SRGAP2C: variants seen among roughly 807,000 people sequenced by gnomAD.
The protein encoded by SRGAP2C is SLIT-ROBO Rho GTPase activating protein 2C.
Under a neutral mutation model 25.1 loss-of-function variants are expected in SRGAP2C, and 15 were observed. That is an observed-to-expected ratio of 0.60 (90% CI 0.40 to 0.92). The LOEUF is 0.92. Ranked by LOEUF, SRGAP2C falls within the 40% of genes least tolerant of loss-of-function variation. The pLI is 0.00. For synonymous variants in SRGAP2C, 44 were observed against 96.6 expected (o/e 0.46, Z 3.19); for missense variants, 144 against 264.4 (o/e 0.54, Z 3.16).
intron 4 of SRGAP2C, among the ~76,000 whole-genome samples, chr1:121,328,456 C>T (rs1553341842): frequency 1.3e-5 from 2 of 151,978 alleles, no homozygotes; most frequent in African/African-American, 2.4e-5. Context: ...ATATTTTGAA[C>T]CTCTATGTGC....
intron 3 of SRGAP2C, among the ~76,000 whole-genome samples, chr1:121,307,449 A>G (rs1657867460): frequency 7.2e-6 from 1 of 139,576 alleles, no homozygotes; most frequent in African/African-American, 2.7e-5. Flanking sequence ...TGACATGCTG[A>G]TTTGAAAGGC....
chr1:121,239,655 A>G (rs1193087651), intron 2 of SRGAP2C, among the ~76,000 whole-genome samples: 3 of 145,510 alleles, frequency 2.1e-5, no homozygotes, highest in Non-Finnish European at 3.0e-5. Flanking sequence ...AATCTGGATT[A>G]ATTCCAGTGG....
At chr1:121,324,761 T>A in intron 4 of SRGAP2C, 121 bp downstream of exon 4, 2 of 611,214 alleles carry the variant, frequency 3.3e-6, no homozygotes, top group Non-Finnish European at 5.9e-6. Context: ...CAGACCCCCA[T>A]GACATGCAAT....
intron 2 of SRGAP2C, among the ~76,000 whole-genome samples, chr1:121,280,300 G>C (rs1657212479): frequency 6.6e-6 from 1 of 151,122 alleles, no homozygotes; most frequent in Non-Finnish European, 1.5e-5. Context: ...AATGATAGAG[G>C]ACATTGGATT....
At chr1:121,211,573 T>C (rs1655258001) in intron 2 of SRGAP2C, among the ~76,000 whole-genome samples, 1 of 151,336 alleles carries the variant, frequency 6.6e-6, no homozygotes, top group Non-Finnish European at 1.5e-5. Flanking sequence ...TTCTCTGCTT[T>C]TGACTTGAAT....
chr1:121,309,337 A>G (rs1167595190), intron 3 of SRGAP2C, among the ~76,000 whole-genome samples: 4 of 141,700 alleles, frequency 2.8e-5, no homozygotes, highest in Non-Finnish European at 4.6e-5. Flanking sequence ...TTTGTTTAAG[A>G]CATCAGGAGT....
chr1:121,208,818 G>A (rs1294283169), intron 2 of SRGAP2C, among the ~76,000 whole-genome samples: 7 of 152,224 alleles, frequency 4.6e-5, no homozygotes, highest in Non-Finnish European at 4.4e-5. Context: ...TATTCGGTTA[G>A]AGAGATTTTT....
chr1:121,259,648 C>T (rs1272598643), intron 2 of SRGAP2C, among the ~76,000 whole-genome samples: 3 of 151,594 alleles, frequency 2.0e-5, no homozygotes, highest in Admixed American at 1.3e-4. Flanking sequence ...ACTCTAGATG[C>T]TTTATTTCAG....
intron 2 of SRGAP2C, among the ~76,000 whole-genome samples, chr1:121,212,865 TA>T (rs1245444760): frequency 7.0e-6 from 1 of 143,764 alleles, no homozygotes; most frequent in Non-Finnish European, 1.5e-5. Context: ...TTTGTTTCTT[TA>T]CAAGGTTTTG....
intron 2 of SRGAP2C, among the ~76,000 whole-genome samples, chr1:121,268,358 C>T (rs1444720649): frequency 6.6e-6 from 1 of 151,408 alleles, no homozygotes; most frequent in African/African-American, 2.4e-5. Context: ...ACCAGAGAGG[C>T]CAGTGTAGCT....
At chr1:121,349,188 C>T (rs1231469159) in intron 4 of SRGAP2C, among the ~76,000 whole-genome samples, 3 of 151,974 alleles carry the variant, frequency 2.0e-5, no homozygotes, top group Non-Finnish European at 4.4e-5. Context: ...AATATTGCTG[C>T]TATTTCCAAA....
At chr1:121,295,818 A>G (rs1256131412) in intron 3 of SRGAP2C, among the ~76,000 whole-genome samples, 1 of 151,582 alleles carries the variant, frequency 6.6e-6, no homozygotes, top group Non-Finnish European at 1.5e-5. Context: ...CTGGAGTGCA[A>G]TGGCACGATC....
In SRGAP2C at chr1:121,267,252, G is replaced by A. The variant is rs587753213; in HGVS notation, c.68-17551G>A. Among the ~76,000 whole-genome samples the A allele has an allele frequency of 3.8e-4, 58 of 151,028 alleles. 1 individual carries two copies. Among genetic ancestry groups the A allele is most frequent in the South Asian group, 4.2e-4 (2 of 4,806 alleles). ...TCTGTCACCCAGGCTGGAGTGCAGCGGTGTGATCTCGGCTCAGTGCAATCT... is the reference window on the plus strand; with the variant it reads ...TCTGTCACCCAGGCTGGAGTGCAGCAGTGTGATCTCGGCTCAGTGCAATCT... On this transcript the variant is annotated intron_variant, in intron 2 of 9. Transcript: ENST00000367123.
intron 3 of SRGAP2C, among the ~76,000 whole-genome samples, chr1:121,321,724 A>T (rs1266989798): frequency 1.3e-5 from 2 of 151,412 alleles, no homozygotes; most frequent in Non-Finnish European, 3.0e-5. Context: ...AAAACTTATT[A>T]GCATTAAGTG....
intron 2 of SRGAP2C, among the ~76,000 whole-genome samples, chr1:121,282,518 C>T (rs1438381002): frequency 6.6e-6 from 1 of 150,956 alleles, no homozygotes; most frequent in African/African-American, 2.4e-5. Flanking sequence ...GATTCAGTAC[C>T]TGGAAAGCCT....
intron 2 of SRGAP2C, among the ~76,000 whole-genome samples, chr1:121,238,521 C>A (rs1260845207): frequency 6.6e-6 from 1 of 152,060 alleles, no homozygotes; most frequent in Non-Finnish European, 1.5e-5. Context: ...CTATAGTGGT[C>A]TTGCCACATA....
chr1:121,199,054 A>G (rs1654915167), intron 2 of SRGAP2C, among the ~76,000 whole-genome samples: 2 of 152,158 alleles, frequency 1.3e-5, no homozygotes, highest in African/African-American at 4.8e-5. Flanking sequence ...GCATTTATCA[A>G]GTGCTTCTTA....
chr1:121,296,331 G>C, intron 3 of SRGAP2C, among the ~76,000 whole-genome samples: 1 of 148,808 alleles, frequency 6.7e-6, no homozygotes, highest in Non-Finnish European at 1.5e-5. Flanking sequence ...AAGAACAAAG[G>C]GGAAACTTCC....
chr1:121,297,643 T>A (rs1185644667), intron 3 of SRGAP2C, among the ~76,000 whole-genome samples: 2 of 150,350 alleles, frequency 1.3e-5, no homozygotes, highest in African/African-American at 4.9e-5. Context: ...ATAGTTAAGA[T>A]CAGCCACAGA....
Sources: gnomAD v4.1 joint callset for allele counts (sites outside exome capture counted in the v4.1 genomes callset) on GRCh38, gnomAD v4.1.1 for gene constraint, MANE v1.5 for transcripts, NCBI Gene and HGNC (gene_info 2026-07-23, HGNC 2026-07-21) for gene names.